Variants in GPC6 observed in about 807,000 individuals in gnomAD.
The protein encoded by GPC6 is glypican-6.
In GPC6, 14 loss-of-function variants were observed where a neutral mutation model predicts 55.2. The observed-to-expected ratio is 0.25, with a 90% CI of 0.17 to 0.40. The LOEUF (loss-of-function observed/expected upper bound fraction) is 0.40, where lower values mean the gene tolerates loss of function less well. Ranked by LOEUF, GPC6 falls within the 10% of genes least tolerant of loss-of-function variation. The probability of loss-of-function intolerance (pLI) is 1.00; values close to 1 mark genes in which losing one functional copy is unlikely to be tolerated. For missense variants in GPC6, 641 were observed against 708.5 expected, an observed-to-expected ratio of 0.90 and a Z score of 1.08; for synonymous variants, 278 against 259.6, an observed-to-expected ratio of 1.07 and a Z score of -0.68.
At chr13:93,461,554 T>G (rs891794407) in intron 1 of GPC6, among the ~76,000 whole-genome samples, 2 of 152,088 alleles carry the variant, frequency 1.3e-5, no homozygotes, top group African/African-American at 4.8e-5. Context: ...TCTACCATTG[T>G]CTACCATTGT....
intron 4 of GPC6, among the ~76,000 whole-genome samples, chr13:94,226,904 C>T (rs959913204): frequency 6.6e-6 from 1 of 152,114 alleles, no homozygotes; most frequent in South Asian, 2.1e-4. Flanking sequence ...CTCCAGCCTG[C>T]GTGGCCCAAG....
intron 4 of GPC6, among the ~76,000 whole-genome samples, chr13:94,081,095 C>T (rs758061606): frequency 1.8e-4 from 27 of 152,178 alleles, no homozygotes; most frequent in Non-Finnish European, 3.5e-4. Flanking sequence ...CTGGAAGATT[C>T]TGGGCACAGT....
intron 6 of GPC6, among the ~76,000 whole-genome samples, chr13:94,335,952 G>A (rs2139148716): frequency 6.6e-6 from 1 of 151,132 alleles, no homozygotes; most frequent in Non-Finnish European, 1.5e-5. Context: ...CATAAAGGGT[G>A]TAGAGAGGAG....
At chr13:93,552,903 T>C (rs1875235185) in intron 2 of GPC6, among the ~76,000 whole-genome samples, 2 of 152,224 alleles carry the variant, frequency 1.3e-5, no homozygotes, top group Admixed American at 6.5e-5. Context: ...TAAGTTAAAT[T>C]GATCTGCTAC....
chr13:94,144,323 TTA>T (rs1887484609), intron 4 of GPC6, among the ~76,000 whole-genome samples: 2 of 151,554 alleles, frequency 1.3e-5, no homozygotes, highest in Non-Finnish European at 2.9e-5. Context: ...CAGTGTGGAT[TTA>T]CTTCCATGAA....
chr13:93,239,048 T>G (rs1876340042), intron 1 of GPC6, among the ~76,000 whole-genome samples: 1 of 152,048 alleles, frequency 6.6e-6, no homozygotes, highest in Non-Finnish European at 1.5e-5. Context: ...GCCCACAGTT[T>G]TATTTTTTTG....
chr13:93,484,880 T>C (rs1287248779), intron 1 of GPC6, among the ~76,000 whole-genome samples: 1 of 152,194 alleles, frequency 6.6e-6, no homozygotes. Context: ...GAAACATTAA[T>C]TGTGCATTAC....
intron 1 of GPC6, among the ~76,000 whole-genome samples, chr13:93,356,120 C>T (rs1049382862): frequency 3.9e-5 from 6 of 152,086 alleles, no homozygotes; most frequent in Admixed American, 1.3e-4. Flanking sequence ...ATAATCTTGG[C>T]CTTTGCAGAG....
chr13:93,875,363 T>G (rs1889258049), intron 3 of GPC6, among the ~76,000 whole-genome samples: 1 of 152,060 alleles, frequency 6.6e-6, no homozygotes, highest in African/African-American at 2.4e-5. Context: ...CTGTTGCAAT[T>G]AGGTTTGATG....
chr13:94,323,534 A>C (rs9561536), intron 6 of GPC6, among the ~76,000 whole-genome samples: 67,771 of 151,946 alleles, frequency 0.45, 15,318 homozygotes, highest in East Asian at 0.61. Flanking sequence ...ATGGGAGCTA[A>C]ATAACGTGTG....
intron 6 of GPC6, among the ~76,000 whole-genome samples, chr13:94,337,757 T>C (rs544272640): frequency 6.6e-6 from 1 of 152,236 alleles, no homozygotes; most frequent in South Asian, 2.1e-4. Flanking sequence ...AAAAGGTAGT[T>C]AGCTGTGTTT....
chr13:93,749,135 T>C (rs1006709900), intron 2 of GPC6, among the ~76,000 whole-genome samples: 1 of 152,042 alleles, frequency 6.6e-6, no homozygotes, highest in Non-Finnish European at 1.5e-5. Context: ...GGATCCCATT[T>C]TCCATTCTTC....
chr13:93,816,405 C>T (rs369077336), intron 2 of GPC6, among the ~76,000 whole-genome samples: 3 of 152,040 alleles, frequency 2.0e-5, no homozygotes, highest in East Asian at 3.9e-4. Context: ...ACCCTTTTTA[C>T]TAATCAGCAT....
intron 2 of GPC6, among the ~76,000 whole-genome samples, chr13:93,638,473 A>C (rs1261228603): frequency 3.3e-5 from 5 of 152,148 alleles, no homozygotes. Flanking sequence ...TTTTATTTTG[A>C]AAATGCATTC....
At chr13:94,067,863 G>T (rs772058507) in intron 4 of GPC6, among the ~76,000 whole-genome samples, 2 of 152,156 alleles carry the variant, frequency 1.3e-5, no homozygotes, top group Non-Finnish European at 2.9e-5. Flanking sequence ...CTTAGCAAAA[G>T]ATAAGGATAC....
intron 1 of GPC6, among the ~76,000 whole-genome samples, chr13:93,410,634 A>G (rs187979099): frequency 8.1e-4 from 124 of 152,302 alleles, no homozygotes; most frequent in African/African-American, 2.8e-3. Flanking sequence ...TTCTAAGACT[A>G]CTATATAATA....
chr13:94,223,608 A>G (rs952365566), intron 4 of GPC6, among the ~76,000 whole-genome samples: 1 of 152,120 alleles, frequency 6.6e-6, no homozygotes, highest in African/African-American at 2.4e-5. Flanking sequence ...AAATGCAAAC[A>G]TCGTTTATTA....
chr13:93,525,478 T>G (rs2139405731), intron 1 of GPC6, among the ~76,000 whole-genome samples: 1 of 152,244 alleles, frequency 6.6e-6, no homozygotes, highest in Admixed American at 6.6e-5. Flanking sequence ...GGTTTTCTTC[T>G]AATAGGTTTA....
chr13:93,307,780 G>A (rs1414863751), intron 1 of GPC6, among the ~76,000 whole-genome samples: 1 of 152,030 alleles, frequency 6.6e-6, no homozygotes, highest in Non-Finnish European at 1.5e-5. Context: ...AAACTATGGT[G>A]ACTATGTTAA....
Sources: allele counts gnomAD v4.1 joint callset (sites outside exome capture counted in the v4.1 genomes callset), GRCh38; gene constraint gnomAD v4.1.1; transcripts MANE v1.5; gene names NCBI Gene and HGNC (gene_info 2026-07-23, HGNC 2026-07-21).